The following ABAT variants were observed in gnomAD, a reference collection of about 807,000 sequenced individuals.
The protein encoded by ABAT is 4-aminobutyrate aminotransferase, also known as 4-aminobutyrate aminotransferase, mitochondrial.
ABAT carries 45 observed loss-of-function variants against 64.6 expected under a neutral mutation model. The observed-to-expected ratio is 0.70, with a 90% CI of 0.55 to 0.89. The LOEUF is 0.89. Ranked by LOEUF, ABAT falls within the 40% of genes least tolerant of loss-of-function variation. ABAT has a pLI of 0.00. For synonymous variants in ABAT, 297 were observed against 250.5 expected (o/e 1.19, Z -1.75); for missense variants, 633 against 658.4 (o/e 0.96, Z 0.42).
chr16:8,675,954 T>C (rs746757398), intron 1 of ABAT, among the ~76,000 whole-genome samples: 1 of 150,392 alleles, frequency 6.6e-6, no homozygotes, highest in Non-Finnish European at 1.5e-5. Context: ...TGGGTGCTGC[T>C]GGGCCCATCC....
chr16:8,726,797 C>T (rs9935408), intron 1 of ABAT, among the ~76,000 whole-genome samples: 42,471 of 152,100 alleles, frequency 0.28, 6,693 homozygotes, highest in East Asian at 0.51. Flanking sequence ...TACTAGTTTA[C>T]ATTCCCACTA....
chr16:8,743,827 C>T (rs1330554177), intron 2 of ABAT, among the ~76,000 whole-genome samples: 1 of 151,830 alleles, frequency 6.6e-6, no homozygotes, highest in African/African-American at 2.4e-5. Context: ...ATGGCAACCC[C>T]AGTAAGAGGA....
intron 4 of ABAT, 98 bp downstream of exon 4, chr16:8,748,235 A>G (rs1009719287): frequency 1.7e-6 from 2 of 1,199,716 alleles, no homozygotes; most frequent in Non-Finnish European, 2.4e-6. Context: ...TTTAAAAAAA[A>G]TGTAGTTGAC....
chr16:8,735,450 C>T (rs1336367330), intron 1 of ABAT, among the ~76,000 whole-genome samples: 1 of 152,108 alleles, frequency 6.6e-6, no homozygotes, highest in Non-Finnish European at 1.5e-5. Flanking sequence ...TGGGATCTTG[C>T]TATGCTGCCC....
intron 9 of ABAT, among the ~76,000 whole-genome samples, chr16:8,767,306 G>A (rs999680767): frequency 5.3e-5 from 8 of 152,224 alleles, no homozygotes; most frequent in East Asian, 1.9e-4. Context: ...GAGAGTGCCC[G>A]GAGAGGGGCT....
chr16:8,683,996 A>T (rs953947514), intron 1 of ABAT, among the ~76,000 whole-genome samples: 1 of 151,926 alleles, frequency 6.6e-6, no homozygotes, highest in Non-Finnish European at 1.5e-5. Context: ...GGGAGAGACA[A>T]AGACTCAGCT....
intron 1 of ABAT, among the ~76,000 whole-genome samples, chr16:8,712,515 T>A (rs2058099892): frequency 6.6e-6 from 1 of 152,170 alleles, no homozygotes. Context: ...GGCTCACTGG[T>A]GAATATTGTC....
Position 8,781,617 on chromosome 16 carries a change from T to A in ABAT, c.*187T>A. The A allele has an allele frequency of 1.3e-6, 1 of 744,932 alleles. No homozygotes were observed. The highest frequency in any genetic ancestry group is 1.6e-5 in the South Asian group (1 of 61,992). The allele number at this position is 744,932 out of a possible 1,614,324, so 46.1% of individuals were successfully genotyped here. On this transcript the variant is annotated 3_prime_UTR_variant, in exon 16 of 16. Coordinates refer to ENST00000268251, the MANE Select transcript of ABAT (RefSeq NM_020686.6). The surrounding 1 kb of genome is among the most constrained non-coding windows in gnomAD (Gnocchi z 4.5). ...GGGAGGGAAGGGCTGGTGTTGATTTTCCTCCCTGCAGAGCCAATGGTGCAC... is the reference window on the plus strand; with the variant it reads ...GGGAGGGAAGGGCTGGTGTTGATTTACCTCCCTGCAGAGCCAATGGTGCAC...
At chr16:8,735,939 G>GT (rs774986918) in intron 2 of ABAT, 130 bp downstream of exon 2, 66 of 768,348 alleles carry the variant, frequency 8.6e-5, no homozygotes, top group Non-Finnish European at 1.4e-4. Flanking sequence ...CTGTCCCACT[G>GT]TATTAGTCTG....
intron 1 of ABAT, among the ~76,000 whole-genome samples, chr16:8,699,323 A>T (rs900491943): frequency 6.1e-5 from 8 of 130,862 alleles, no homozygotes; most frequent in Non-Finnish European, 1.1e-4. Context: ...GCAGGGAATT[A>T]TTTTTTTTAA....
At chr16:8,768,126 C>A (rs369997983) in intron 9 of ABAT, 67 bp from the exon 10 acceptor site, 29 of 1,512,722 alleles carry the variant, frequency 1.9e-5, no homozygotes, top group Non-Finnish European at 2.7e-5. Context: ...TCTGGACTTG[C>A]AGGGGCAACA....
In ABAT at chr16:8,781,829, G is replaced by A. The variant is rs1206610925; in HGVS notation, c.*399G>A. The A allele has an allele frequency of 8.5e-6, 3 of 351,852 alleles. No individual in the cohort carries two copies. The highest frequency in any genetic ancestry group is 4.3e-5 in the African/African-American group (2 of 46,858). 21.8% of individuals were successfully genotyped at this position (351,852 alleles called of 1,614,324 possible). A position where few individuals can be genotyped will look rare whatever the true frequency, so the allele number is the denominator to read the frequency against. ...TCCTGGGTGCCAGTCCATCTCAAGT[G>A]CCATATTCTGTGATCACGGATGTTG... On this transcript the variant is annotated 3_prime_UTR_variant, in exon 16 of 16. Transcript: ENST00000268251. This position sits in a 1 kb window ranked among gnomAD's most constrained non-coding sequence, Gnocchi z 4.5.
At chr16:8,741,318 T>C (rs1231133830) in intron 2 of ABAT, among the ~76,000 whole-genome samples, 1 of 152,232 alleles carries the variant, frequency 6.6e-6, no homozygotes, top group Non-Finnish European at 1.5e-5. Flanking sequence ...AAATGTTTCA[T>C]TCAAAGGCTA....
chr16:8,712,833 C>T (rs548587694), intron 1 of ABAT: 2 of 152,352 alleles, frequency 1.3e-5, no homozygotes, highest in African/African-American at 4.8e-5. Context: ...AGCGCTGTCA[C>T]GGTGATTTAG....
chr16:8,722,916 G>GT (rs1281549427), intron 1 of ABAT: 1 of 1,249,704 alleles, frequency 8.0e-7, no homozygotes, highest in African/African-American at 1.5e-5. Context: ...CTTGTCAGGT[G>GT]TTTCTTAGAG....
intron 2 of ABAT, among the ~76,000 whole-genome samples, chr16:8,744,679 T>C (rs551880253): frequency 6.6e-6 from 1 of 151,916 alleles, no homozygotes; most frequent in South Asian, 2.1e-4. Flanking sequence ...GCCACACACT[T>C]TTAAACAACC....
chr16:8,679,068 C>T (rs1231345552), intron 1 of ABAT, among the ~76,000 whole-genome samples: 4 of 152,110 alleles, frequency 2.6e-5, no homozygotes. Context: ...TCTGCGATCC[C>T]AGCACTTTGG....
intron 15 of ABAT, among the ~76,000 whole-genome samples, chr16:8,779,850 C>A (rs745834159): frequency 6.6e-6 from 1 of 152,144 alleles, no homozygotes; most frequent in South Asian, 2.1e-4. Flanking sequence ...ATGATGAAGA[C>A]CATCAGAGCC....
At chr16:8,719,181 G>C (rs1482745224) in intron 1 of ABAT, among the ~76,000 whole-genome samples, 5 of 152,164 alleles carry the variant, frequency 3.3e-5, no homozygotes, top group Admixed American at 6.5e-5. Context: ...CTCGGCACAG[G>C]TGTGCAGAAA....
Sources: gnomAD v4.1 joint callset for allele counts (sites outside exome capture counted in the v4.1 genomes callset) on GRCh38, gnomAD v4.1.1 for gene constraint, Gnocchi (gnomAD v3.1) non-coding constraint, MANE v1.5 for transcripts, NCBI Gene and HGNC (gene_info 2026-07-23, HGNC 2026-07-21) for gene names.